The following USP14 variants were observed in gnomAD, a reference collection of about 807,000 sequenced individuals.
The protein encoded by USP14 is ubiquitin specific peptidase 14.
A neutral mutation model predicts 76.5 loss-of-function variants in USP14; 38 were observed. That is an observed-to-expected ratio of 0.50 (90% confidence interval 0.38 to 0.65). The LOEUF is 0.65. Among genes scored for constraint, USP14 ranks in the 30% least tolerant of loss-of-function variants. USP14 has a pLI of 0.00. For missense variants in USP14, 467 were observed against 586.5 expected, an observed-to-expected ratio of 0.80 and a Z score of 2.10; for synonymous variants, 192 against 191.7, an observed-to-expected ratio of 1.00 and a Z score of -0.01.
chr18:174,392 A>G (rs1362626628), intron 3 of USP14, among the ~76,000 whole-genome samples: 1 of 150,192 alleles, frequency 6.7e-6, no homozygotes, highest in Non-Finnish European at 1.5e-5. Flanking sequence ...CAGCCTCCTG[A>G]GTAACTGGGA....
intron 13 of USP14, 103 bp from the exon 14 acceptor site, chr18:209,866 CTG>C (rs1195614303): frequency 1.6e-5 from 13 of 798,048 alleles, no homozygotes; most frequent in African/African-American, 8.9e-5. Flanking sequence ...TATTTTGTCT[CTG>C]TGCACTGTAG....
rs1475009430 is a variant in USP14 at position 166,784 on chromosome 18, C to T, written c.163-3C>T. ...AAATGTCTTTTGTTTGTCTTTGAAA[C>T]AGGATGATGATTGGGGAAACATCAA... On this transcript the variant is annotated splice_region_variant and splice_polypyrimidine_tract_variant and intron_variant, in intron 2 of 15. Transcript: ENST00000261601. 1 of 1,611,378 alleles carries T rather than the reference C, an allele frequency of 6.2e-7. No homozygotes were observed. Among genetic ancestry groups the T allele is most frequent in the African/African-American group, 1.3e-5 (1 of 74,962 alleles).
At chr18:160,627 T>A (rs1909091223) in intron 1 of USP14, among the ~76,000 whole-genome samples, 4 of 152,246 alleles carry the variant, frequency 2.6e-5, no homozygotes. Flanking sequence ...TAATTCCTCT[T>A]GTAAGCATGA....
chr18:185,668 T>C (rs531928868), intron 5 of USP14, among the ~76,000 whole-genome samples: 27 of 152,186 alleles, frequency 1.8e-4, no homozygotes, highest in African/African-American at 5.8e-4. Flanking sequence ...TTTGAGGGCA[T>C]GTCTTCATTT....
chr18:198,182 G>T, intron 9 of USP14, 50 bp downstream of exon 9: 1 of 1,449,828 alleles, frequency 6.9e-7, no homozygotes, highest in South Asian at 1.4e-5. Context: ...TATTAGAATT[G>T]GCATAAATAG....
At chr18:179,253 T>C (rs1909713976) in intron 4 of USP14, among the ~76,000 whole-genome samples, 1 of 152,154 alleles carries the variant, frequency 6.6e-6, no homozygotes, top group Non-Finnish European at 1.5e-5. Flanking sequence ...TTTTTTTGTA[T>C]TGTACACCTT....
chr18:164,333 A>T (rs1009999525), intron 2 of USP14, among the ~76,000 whole-genome samples: 1 of 152,166 alleles, frequency 6.6e-6, no homozygotes, highest in East Asian at 1.9e-4. Context: ...AATTTTGTAC[A>T]TGCATTTGTA....
intron 3 of USP14, among the ~76,000 whole-genome samples, chr18:174,506 TCCA>T (rs1279485051): frequency 6.6e-6 from 1 of 152,072 alleles, no homozygotes; most frequent in Middle Eastern, 3.2e-3. Context: ...CTTAGAGTGA[TCCA>T]CCTGCCTTGG....
At chr18:188,924 C>T (rs553635530) in intron 5 of USP14, among the ~76,000 whole-genome samples, 7 of 152,284 alleles carry the variant, frequency 4.6e-5, no homozygotes, top group South Asian at 2.1e-4. Flanking sequence ...GGTGATCCCC[C>T]GGCTTTGGCC....
chr18:203,811 C>T (rs563649645), intron 12 of USP14, among the ~76,000 whole-genome samples: 5 of 152,222 alleles, frequency 3.3e-5, no homozygotes, highest in East Asian at 3.9e-4. Flanking sequence ...GGGGTTTCAC[C>T]GTGGTCTCAA....
At chr18:210,218 T>A in intron 14 of USP14, 168 bp from the exon 15 acceptor site, 1 of 681,752 alleles carries the variant, frequency 1.5e-6, no homozygotes, top group Non-Finnish European at 2.4e-6. Flanking sequence ...AGTAAGTTAC[T>A]TATTAAAACA....
chr18:197,159 T>G (rs1598276678), intron 7 of USP14, among the ~76,000 whole-genome samples: 2 of 152,306 alleles, frequency 1.3e-5, no homozygotes. Context: ...AGTGCCCTCT[T>G]CCTGCAGGGC....
rs1567838541 is a variant in USP14, at chr18:212,231, A to T, written c.*947A>T. 1 of 152,176 alleles carries T rather than the reference A, an allele frequency of 6.6e-6. No individual in the cohort carries two copies. The highest frequency in any genetic ancestry group is 1.5e-5 in the Non-Finnish European group (1 of 68,020). 9.4% of individuals were successfully genotyped at this position (152,176 alleles called of 1,614,324 possible). ...AAATACAAAGTTGTAAAAGTAATGG[A>T]TTTCTTTGGATGCTGAATGCAGTGA... On this transcript the variant is annotated 3_prime_UTR_variant, in exon 16 of 16. Coordinates refer to ENST00000261601, the MANE Select transcript of USP14 (RefSeq NM_005151.4).
At chr18:210,948 T>C (rs923518198) in intron 15 of USP14, among the ~76,000 whole-genome samples, 185 bp from the exon 16 acceptor site, 4 of 152,164 alleles carry the variant, frequency 2.6e-5, no homozygotes, top group Admixed American at 2.6e-4. Context: ...ATTGAAGTAG[T>C]TGTAACCTGG....
At chr18:187,310 T>C (rs1464577934) in intron 5 of USP14, among the ~76,000 whole-genome samples, 2 of 152,214 alleles carry the variant, frequency 1.3e-5, no homozygotes, top group South Asian at 2.1e-4. Flanking sequence ...ATTTTCGATA[T>C]GTGTTTGTAT....
At chr18:204,979 A>G (rs1910490832) in intron 13 of USP14, among the ~76,000 whole-genome samples, 1 of 151,192 alleles carries the variant, frequency 6.6e-6, no homozygotes, top group South Asian at 2.1e-4. Flanking sequence ...GGCGCAAATG[A>G]TCCTCCCACC....
chr18:163,277 TTAA>T, intron 1 of USP14, 28 bp from the exon 2 acceptor site: 1 of 1,558,576 alleles, frequency 6.4e-7, no homozygotes, highest in Middle Eastern at 1.7e-4. Context: ...TTGTTATTTT[TTAA>T]TTAAAAAAAT....
At chr18:187,289 A>G (rs535579466) in intron 5 of USP14, among the ~76,000 whole-genome samples, 2 of 152,144 alleles carry the variant, frequency 1.3e-5, no homozygotes, top group East Asian at 3.9e-4. Context: ...GGGTTTATTT[A>G]TTGAGGTCTG....
chr18:196,972 G>A (rs546773402), intron 7 of USP14, among the ~76,000 whole-genome samples: 3 of 152,064 alleles, frequency 2.0e-5, no homozygotes, highest in Non-Finnish European at 2.9e-5. Context: ...TACACAGCCC[G>A]CAATGTCCTT....
Sources: allele counts gnomAD v4.1 joint callset (sites outside exome capture counted in the v4.1 genomes callset), GRCh38; gene constraint gnomAD v4.1.1; transcripts MANE v1.5; gene names NCBI Gene and HGNC (gene_info 2026-07-23, HGNC 2026-07-21).